Variants in SCHIP1 observed in about 807,000 individuals in gnomAD.
The protein encoded by SCHIP1 is schwannomin interacting protein 1, also known as schwannomin-interacting protein 1.
Under a neutral mutation model 29.7 loss-of-function variants are expected in SCHIP1, and 8 were observed. The observed-to-expected ratio is 0.27, with a 90% CI of 0.16 to 0.49. SCHIP1 has a LOEUF of 0.49. Ranked by LOEUF, SCHIP1 falls within the 20% of genes least tolerant of loss-of-function variation. SCHIP1 has a pLI of 0.99. For synonymous variants in SCHIP1, 76 were observed against 94.9 expected (o/e 0.80, Z 1.16); for missense variants, 193 against 294.6 (o/e 0.66, Z 2.52).
chr3:159,323,585 T>C, the SCHIP1 span, among the ~76,000 whole-genome samples: 1 of 152,248 alleles, frequency 6.6e-6, no homozygotes, highest in Non-Finnish European at 1.5e-5. Flanking sequence ...ATTTGAGTTG[T>C]CTTCAGTCTT....
At chr3:159,518,344 G>T in the SCHIP1 span, among the ~76,000 whole-genome samples, 1 of 152,052 alleles carries the variant, frequency 6.6e-6, no homozygotes, top group Non-Finnish European at 1.5e-5. Context: ...GATTTTAATG[G>T]TTATTTTTAT....
chr3:159,655,822 G>T, the SCHIP1 span, among the ~76,000 whole-genome samples: 40 of 152,324 alleles, frequency 2.6e-4, no homozygotes, highest in Admixed American at 3.9e-4. Context: ...CCAGGAGGCG[G>T]AGGTTGCAGT....
chr3:159,306,429 T>C, the SCHIP1 span: 1 of 142,382 alleles, frequency 7.0e-6, no homozygotes, highest in Non-Finnish European at 1.6e-5. Context: ...ATTAAGTGTT[T>C]TCAGCATTCT....
the SCHIP1 span, chr3:159,722,043 GC>G: frequency 2.8e-6 from 1 of 363,548 alleles, no homozygotes. Flanking sequence ...TATTATGTCT[GC>G]ATTCTCATCC....
chr3:159,886,128 C>T (rs1408129510), intron 2 of SCHIP1, 79 bp from the exon 4 acceptor site: 1 of 1,503,334 alleles, frequency 6.7e-7, no homozygotes, highest in African/African-American at 1.4e-5. Flanking sequence ...TTTCTGTTAG[C>T]AAAATCAGAC....
the SCHIP1 span, among the ~76,000 whole-genome samples, chr3:159,493,807 C>T: frequency 2.6e-5 from 4 of 152,196 alleles, no homozygotes; most frequent in South Asian, 2.1e-4. Flanking sequence ...ACATTCTTCT[C>T]AGCACCACAC....
chr3:159,277,659 C>T, the SCHIP1 span, among the ~76,000 whole-genome samples: 1 of 144,822 alleles, frequency 6.9e-6, no homozygotes, highest in African/African-American at 2.4e-5. Flanking sequence ...CAGTGGCTCA[C>T]GACTGTAACC....
the SCHIP1 span, among the ~76,000 whole-genome samples, chr3:159,625,797 C>T: frequency 9.9e-5 from 15 of 152,202 alleles, no homozygotes; most frequent in East Asian, 2.5e-3. Flanking sequence ...CCTTCACACT[C>T]AAGCTTCACG....
chr3:159,448,611 A>G, the SCHIP1 span, among the ~76,000 whole-genome samples: 1 of 152,302 alleles, frequency 6.6e-6, no homozygotes, highest in African/African-American at 2.4e-5. Context: ...ATGTGTTAAG[A>G]GTGTCCAGGA....
At chr3:159,635,194 A>G in the SCHIP1 span, among the ~76,000 whole-genome samples, 12 of 152,156 alleles carry the variant, frequency 7.9e-5, no homozygotes, top group Admixed American at 7.2e-4. Context: ...TCATTTATCT[A>G]TGAGTGATAA....
chr3:159,540,983 C>T, the SCHIP1 span, among the ~76,000 whole-genome samples: 1 of 151,982 alleles, frequency 6.6e-6, no homozygotes, highest in Non-Finnish European at 1.5e-5. Flanking sequence ...AAACAAGGAG[C>T]AATAACAAAA....
the SCHIP1 span, among the ~76,000 whole-genome samples, chr3:159,665,944 C>T: frequency 6.6e-6 from 1 of 152,148 alleles, no homozygotes; most frequent in Non-Finnish European, 1.5e-5. Flanking sequence ...TTGCCTTCCT[C>T]CTCCTGCCTT....
At chr3:159,463,306 TAG>T in the SCHIP1 span, among the ~76,000 whole-genome samples, 1 of 152,278 alleles carries the variant, frequency 6.6e-6, no homozygotes, top group East Asian at 1.9e-4. Context: ...CAAATTATAA[TAG>T]AGGCAAATTT....
chr3:159,837,396 C>G (rs1743762807), upstream of SCHIP1, among the ~76,000 whole-genome samples: 1 of 152,060 alleles, frequency 6.6e-6, no homozygotes, highest in South Asian at 2.1e-4. Flanking sequence ...AACTTTTTTC[C>G]TTTGGCCTGC....
the SCHIP1 span, among the ~76,000 whole-genome samples, chr3:159,341,635 G>GT: frequency 6.6e-6 from 1 of 152,104 alleles, no homozygotes; most frequent in African/African-American, 2.4e-5. Flanking sequence ...CTTCCCTGAA[G>GT]GGTTTGCCAC....
At chr3:159,303,381 A>G in the SCHIP1 span, among the ~76,000 whole-genome samples, 2 of 151,982 alleles carry the variant, frequency 1.3e-5, no homozygotes, top group African/African-American at 2.4e-5. Flanking sequence ...AGTAAGTTTT[A>G]GGGAAAAGGT....
At chr3:159,447,178 C>T in the SCHIP1 span, among the ~76,000 whole-genome samples, 2 of 152,148 alleles carry the variant, frequency 1.3e-5, no homozygotes, top group African/African-American at 4.8e-5. Flanking sequence ...AGTTACTCAT[C>T]CTAGTGTCAG....
At chr3:159,368,566 T>C in the SCHIP1 span, among the ~76,000 whole-genome samples, 1 of 152,302 alleles carries the variant, frequency 6.6e-6, no homozygotes, top group Non-Finnish European at 1.5e-5. Context: ...GTACTAGACA[T>C]TGGTACTATT....
the SCHIP1 span, among the ~76,000 whole-genome samples, chr3:159,680,689 AT>A: frequency 2.0e-5 from 1 of 50,144 alleles, no homozygotes; most frequent in Non-Finnish European, 3.1e-5. Context: ...TAATATATGT[AT>A]ATATATAATA....
Sources: allele counts gnomAD v4.1 joint callset (sites outside exome capture counted in the v4.1 genomes callset), GRCh38; gene constraint gnomAD v4.1.1; transcripts MANE v1.5; gene names NCBI Gene and HGNC (gene_info 2026-07-23, HGNC 2026-07-21).